The following VPS28 variants were observed in gnomAD, a reference collection of about 807,000 sequenced individuals.
The protein encoded by VPS28 is vacuolar protein sorting-associated protein 28 homolog.
A neutral mutation model predicts 33.7 loss-of-function variants in VPS28; 29 were observed. That is an observed-to-expected ratio of 0.86 (90% CI 0.64 to 1.17). The LOEUF is 1.17. Among genes scored for constraint, VPS28 ranks in the 50% most tolerant of loss-of-function variants. The pLI is 0.00. For missense variants in VPS28, 247 were observed against 312.2 expected, an observed-to-expected ratio of 0.79 and a Z score of 1.57; for synonymous variants, 164 against 116.7, an observed-to-expected ratio of 1.40 and a Z score of -2.61.
At chr8:144,425,910 C>T (rs1564719730) in intron 4 of VPS28, 116 bp downstream of exon 4, 1 of 1,495,640 alleles carries the variant, frequency 6.7e-7, no homozygotes, top group African/African-American at 1.4e-5. Context: ...AGGAACAGTT[C>T]CCCAGACTGA....
chr8:144,427,827 G>A (rs1281184300), intron 1 of VPS28, among the ~76,000 whole-genome samples: 1 of 152,228 alleles, frequency 6.6e-6, no homozygotes, highest in Non-Finnish European at 1.5e-5. Flanking sequence ...AGGGATTTGA[G>A]ATAGGATTAA....
Position 144,425,772 on chromosome 8 carries a change from C to G in VPS28, c.105G>C (p.Lys35Asn), listed in dbSNP as rs200675469. The change falls in exon 5 of 10, where the codon AAG (lysine) becomes AAC (asparagine). Residue 35 changes from lysine (K) to asparagine (N), a missense_variant and splice_region_variant. Transcript: ENST00000292510. ...CAAACAGCTCTGCCATGTTGTCGTA[C>G]CTGAGGACACACCTGTCTATCGGGC... The part of the protein sequence containing the change: ...KLYKNARERE[K>N]YDNMAELFAV... 3.0e-5 allele frequency: 48 copies of G among 1,613,868 alleles called. No homozygotes were observed. The East Asian group carries it at 1.1e-3, about 36-fold the overall frequency.
At chr8:144,425,538 C>A (rs1822669585) in intron 5 of VPS28, 145 bp downstream of exon 5, 5 of 823,880 alleles carry the variant, frequency 6.1e-6, no homozygotes, top group Admixed American at 2.7e-5. Context: ...ACTTCCCTGG[C>A]TGAGACCCAG....
At chr8:144,424,520 TC>T in intron 7 of VPS28, 197 bp downstream of exon 7, 1 of 789,368 alleles carries the variant, frequency 1.3e-6, no homozygotes. Context: ...CCTGTGCTCA[TC>T]CCCCCGACAG....
rs1433963086 is a variant in VPS28 at position 144,423,888 on chromosome 8, C to A, written c.583G>T (p.Glu195Ter). 1 of 1,613,032 alleles carries A rather than the reference C, an allele frequency of 6.2e-7. No homozygotes were observed. The highest frequency in any genetic ancestry group is 1.3e-5 in the African/African-American group (1 of 74,958). Residue 195 changes from glutamate (E) to a stop codon, truncating the protein, a stop_gained, in exon 10 of 10, where the codon GAG becomes TAG. Coordinates refer to ENST00000292510, the MANE Select transcript of VPS28 (RefSeq NM_016208.4). LOFTEE classifies it high-confidence loss of function. ...TGACGCACCTGTGAGTCGTCCAGCT[C>A]ATCTGACGCCGACATGCCGCTCAGG... is the stretch of plus-strand genomic sequence containing the variant. ...QTLSGMSASD[E>*]LDDSQVRQML... is the part of the protein sequence containing the mutation.
At chr8:144,425,947 G>T in intron 4 of VPS28, 79 bp downstream of exon 4, 1 of 1,472,314 alleles carries the variant, frequency 6.8e-7, no homozygotes, top group South Asian at 1.4e-5. Context: ...CCCTCAGTTT[G>T]GGGTGGGTCT....
chr8:144,425,857 T>G, intron 4 of VPS28, 85 bp from the exon 5 acceptor site: 1 of 1,589,734 alleles, frequency 6.3e-7, no homozygotes, highest in Non-Finnish European at 8.6e-7. Context: ...GAGGTGCCAC[T>G]GCGGGCGCTC....
chr8:144,428,351 A>G (rs1453692586), intron 1 of VPS28, 138 bp downstream of exon 1: 4 of 152,292 alleles, frequency 2.6e-5, no homozygotes, highest in African/African-American at 9.6e-5. Flanking sequence ...GCCAGTTTCT[A>G]GAACATGCCA....
At position 144,423,751 on chromosome 8, in the gene VPS28, C is replaced by T; in HGVS notation, c.*54G>A. 1 of 1,607,084 alleles carries T rather than the reference C, an allele frequency of 6.2e-7. No individual in the cohort carries two copies. Among genetic ancestry groups the T allele is most frequent in the Non-Finnish European group, 8.5e-7 (1 of 1,175,850 alleles). ...ACGGCCTGTGTGGCGGACAGGGGAC[C>T]AGGAGCCATCGCCTCAGACTCTGCC... On this transcript the variant is annotated 3_prime_UTR_variant, in exon 10 of 10. Coordinates refer to ENST00000292510, the MANE Select transcript of VPS28 (RefSeq NM_016208.4).
chr8:144,426,801 A>G, intron 2 of VPS28, 108 bp downstream of exon 2: 1 of 1,286,298 alleles, frequency 7.8e-7, no homozygotes, highest in Non-Finnish European at 1.1e-6. Context: ...CCAAGGCTGT[A>G]CGAGAGCAGG....
At chr8:144,427,550 G>A (rs1207006018) in intron 1 of VPS28, among the ~76,000 whole-genome samples, 3 of 152,136 alleles carry the variant, frequency 2.0e-5, no homozygotes, top group African/African-American at 7.2e-5. Context: ...CTGTTTGATG[G>A]CCCACGAGGA....
chr8:144,425,253 G>A, intron 5 of VPS28: 1 of 603,314 alleles, frequency 1.7e-6, no homozygotes, highest in South Asian at 2.0e-5. Flanking sequence ...TCGGCTCCAG[G>A]TGGAGACCCC....
At chr8:144,427,282 G>A (rs1355628951) in intron 1 of VPS28, 2 of 199,616 alleles carry the variant, frequency 1.0e-5, no homozygotes, top group Non-Finnish European at 1.0e-5. Flanking sequence ...CTGGGAGACA[G>A]AGCAAGACCC....
In VPS28 at chr8:144,424,766, G is replaced by C; in HGVS notation, c.354C>G (p.Ile118Met). The C allele has an allele frequency of 1.2e-6, 2 of 1,613,726 alleles. No homozygotes were observed. Among genetic ancestry groups the C allele is most frequent in the Non-Finnish European group, 1.7e-6 (2 of 1,179,990 alleles). Residue 118 changes from isoleucine (I) to methionine (M), a missense_variant, in exon 7 of 10, where the codon ATC (isoleucine) becomes ATG (methionine). Coordinates refer to ENST00000292510, the MANE Select transcript of VPS28 (RefSeq NM_016208.4). ...ERIKEDRPIT[I>M]KDDKGNLNRC... is the part of the protein sequence containing the mutation. Reference sequence around the variant, plus strand: ...GGTTGAGGTTGCCCTTGTCGTCCTTGATGGTGATGGGCCGGTCCTCCTTGA... The same window carrying C: ...GGTTGAGGTTGCCCTTGTCGTCCTTCATGGTGATGGGCCGGTCCTCCTTGA...
chr8:144,424,659 CCAGCTGCAGCAGG>C, intron 7 of VPS28, 46 bp downstream of exon 7: 1 of 1,577,426 alleles, frequency 6.3e-7, no homozygotes, highest in Non-Finnish European at 8.6e-7. Flanking sequence ...ACGCTCGTGC[CCAGCTGCAGCAGG>C]CAGCCTCGGC....
Position 144,423,653 on chromosome 8 carries a change from C to T in VPS28, c.*152G>A, listed in dbSNP as rs566864502. 8.1e-5 allele frequency: 82 copies of T among 1,011,554 alleles called. 1 individual carries two copies. In the African/African-American group the frequency reaches 1.1e-3, roughly 13 times the overall value. 62.7% of individuals were successfully genotyped at this position (1,011,554 alleles called of 1,614,324 possible). A position where few individuals can be genotyped will look rare whatever the true frequency, so the allele number is the denominator to read the frequency against. On this transcript the variant is annotated 3_prime_UTR_variant, in exon 10 of 10. Transcript: ENST00000292510. ...AGCATCTTTATTGTGGGGAGGGGCC[C>T]GGCCCCCAAAGTTCTGACACCAAAG...
chr8:144,425,132 A>G (rs2928376), intron 5 of VPS28, 81 bp from the exon 6 acceptor site: 1,292,511 of 1,294,070 alleles, frequency 1, 645,503 homozygotes, highest in Middle Eastern at 1. Context: ...TCCAGAGGCA[A>G]AGCAGCTTCC....
At chr8:144,425,559 C>T in intron 5 of VPS28, 124 bp downstream of exon 5, 1 of 1,031,984 alleles carries the variant, frequency 9.7e-7, no homozygotes, top group Non-Finnish European at 1.4e-6. Context: ...GGGCACCCTC[C>T]TCACGCTGGG....
intron 7 of VPS28, 61 bp downstream of exon 7, chr8:144,424,657 G>A: frequency 6.4e-7 from 1 of 1,563,068 alleles, no homozygotes; most frequent in Non-Finnish European, 8.7e-7. Flanking sequence ...CTACGCTCGT[G>A]CCCAGCTGCA....
Sources: allele counts gnomAD v4.1 joint callset (sites outside exome capture counted in the v4.1 genomes callset), GRCh38; gene constraint gnomAD v4.1.1; transcripts MANE v1.5; gene names NCBI Gene and HGNC (gene_info 2026-07-23, HGNC 2026-07-21).